The following PLCB1 variants were observed in gnomAD, a reference collection of about 807,000 sequenced individuals.
PLCB1 encodes phospholipase C beta 1, also known as 1-phosphatidylinositol 4,5-bisphosphate phosphodiesterase beta-1.
A neutral mutation model predicts 161.8 loss-of-function variants in PLCB1; 46 were observed. The ratio of observed to expected loss-of-function variants is 0.28; its 90% confidence interval spans 0.22 to 0.36. The LOEUF (loss-of-function observed/expected upper bound fraction) is 0.36, where lower values mean the gene tolerates loss of function less well. Ranked by LOEUF, PLCB1 falls within the 10% of genes least tolerant of loss-of-function variation. The pLI, the probability that PLCB1 is intolerant of heterozygous loss-of-function variation, is 1.00. For synonymous variants in PLCB1, 517 were observed against 503.7 expected (o/e 1.03, Z -0.35); for missense variants, 1,016 against 1,472.5 (o/e 0.69, Z 5.07).
chr20:8,618,711 T>A (rs914241715), intron 3 of PLCB1, among the ~76,000 whole-genome samples: 2 of 152,140 alleles, frequency 1.3e-5, no homozygotes, highest in African/African-American at 4.8e-5. Flanking sequence ...AGACATTTTC[T>A]TACTTTCACC....
intron 3 of PLCB1, among the ~76,000 whole-genome samples, chr20:8,531,070 G>A (rs1371512166): frequency 3.9e-5 from 6 of 151,988 alleles, no homozygotes; most frequent in African/African-American, 1.4e-4. Context: ...ACCCAAGGTA[G>A]AAAATTAAAC....
intron 2 of PLCB1, among the ~76,000 whole-genome samples, chr20:8,196,580 GTGATGGTCAAGTATTCTT>G (rs2052025949): frequency 6.6e-6 from 1 of 151,660 alleles, no homozygotes; most frequent in Non-Finnish European, 1.5e-5. Context: ...ATAGAGGCAG[GTGATGGTCAAGTATTCTT>G]TGATGGTCAA....
At chr20:8,252,227 A>G (rs1981181393) in intron 2 of PLCB1, among the ~76,000 whole-genome samples, 1 of 151,946 alleles carries the variant, frequency 6.6e-6, no homozygotes. Flanking sequence ...CTTGACTCCC[A>G]AGGGGCATTG....
At chr20:8,421,724 T>C (rs111997245) in intron 3 of PLCB1, among the ~76,000 whole-genome samples, 22 of 152,300 alleles carry the variant, frequency 1.4e-4, no homozygotes, top group African/African-American at 4.3e-4. Flanking sequence ...CCTGAATTTG[T>C]CTTTAGTAAC....
intron 4 of PLCB1, among the ~76,000 whole-genome samples, chr20:8,638,694 G>A (rs988202726): frequency 2.6e-5 from 4 of 152,002 alleles, no homozygotes; most frequent in South Asian, 2.1e-4. Context: ...CTGTTTCATC[G>A]ATAAATAATA....
intron 3 of PLCB1, among the ~76,000 whole-genome samples, chr20:8,395,069 T>C (rs976813287): frequency 6.6e-6 from 1 of 152,138 alleles, no homozygotes; most frequent in African/African-American, 2.4e-5. Context: ...ATTAGTCATT[T>C]TGTATCTGTG....
At chr20:8,326,087 T>A (rs1335220605) in intron 2 of PLCB1, among the ~76,000 whole-genome samples, 1 of 152,206 alleles carries the variant, frequency 6.6e-6, no homozygotes, top group Non-Finnish European at 1.5e-5. Context: ...CGAGGTTGTT[T>A]AAGTAAATAT....
chr20:8,269,549 C>T (rs922691252), intron 2 of PLCB1, among the ~76,000 whole-genome samples: 3 of 152,128 alleles, frequency 2.0e-5, no homozygotes, highest in African/African-American at 7.2e-5. Context: ...CCCGATGCAA[C>T]TACCTAATGC....
At chr20:8,588,744 A>G (rs1055431002) in intron 3 of PLCB1, among the ~76,000 whole-genome samples, 20 of 152,220 alleles carry the variant, frequency 1.3e-4, no homozygotes, top group Non-Finnish European at 2.9e-4. Context: ...AAACTGAAAG[A>G]AAATACAATT....
At chr20:8,475,032 CAG>C (rs1491256703) in intron 3 of PLCB1, among the ~76,000 whole-genome samples, 3 of 146,670 alleles carry the variant, frequency 2.0e-5, no homozygotes, top group Non-Finnish European at 4.5e-5. Flanking sequence ...CACACACACA[CAG>C]ACACACACAC....
chr20:8,289,157 A>C (rs1475828416), intron 2 of PLCB1, among the ~76,000 whole-genome samples: 1 of 152,176 alleles, frequency 6.6e-6, no homozygotes, highest in Non-Finnish European at 1.5e-5. Flanking sequence ...CTTCACTCCT[A>C]ACAAGTGTCG....
chr20:8,790,195 A>G lies in PLCB1; in HGVS notation c.3357A>G (p.Lys1119=), dbSNP rs774489883. Reference sequence around the variant, plus strand: ...TATAGCTAGAAGAAGCGCAAAGTAAACGGCAAGAAAAACTCGTAGAGAAAC... The same window carrying G: ...TATAGCTAGAAGAAGCGCAAAGTAAGCGGCAAGAAAAACTCGTAGAGAAAC... ...YIKRLEEAQS[K]RQEKLVEKHK... The change falls in exon 31 of 32, where the codon AAA becomes AAG. Residue 1119 remains lysine, a synonymous_variant. Coordinates refer to ENST00000338037, the MANE Select transcript of PLCB1 (RefSeq NM_015192.4). 1 of 1,611,360 alleles carries G rather than the reference A, an allele frequency of 6.2e-7. No homozygotes were observed. Among genetic ancestry groups the G allele is most frequent in the Non-Finnish European group, 8.5e-7 (1 of 1,178,186 alleles).
intron 31 of PLCB1, among the ~76,000 whole-genome samples, chr20:8,798,519 TA>T (rs1386443504): frequency 6.6e-6 from 1 of 152,106 alleles, no homozygotes; most frequent in Non-Finnish European, 1.5e-5. Flanking sequence ...GCTTGGTGAC[TA>T]GAGTAACCAG....
chr20:8,345,562 G>A (rs117640278), intron 2 of PLCB1, among the ~76,000 whole-genome samples: 2 of 152,296 alleles, frequency 1.3e-5, no homozygotes, highest in East Asian at 3.9e-4. Context: ...AGTCACAGGT[G>A]CTGCCCTGGG....
chr20:8,144,602 A>G (rs1426587624), intron 1 of PLCB1, among the ~76,000 whole-genome samples: 1 of 152,176 alleles, frequency 6.6e-6, no homozygotes, highest in African/African-American at 2.4e-5. Context: ...AATGATCTTA[A>G]TTCCTCACCT....
intron 2 of PLCB1, among the ~76,000 whole-genome samples, chr20:8,227,980 G>T (rs1298175697): frequency 6.6e-6 from 1 of 152,006 alleles, no homozygotes; most frequent in African/African-American, 2.4e-5. Context: ...TAAATAAGTT[G>T]GTTCTATCCC....
chr20:8,284,909 T>G (rs913838593), intron 2 of PLCB1, among the ~76,000 whole-genome samples: 4 of 152,154 alleles, frequency 2.6e-5, no homozygotes, highest in African/African-American at 9.7e-5. Flanking sequence ...TTGTGCCTCT[T>G]CATTCTGGGA....
chr20:8,142,940 A>C (rs1364986976), intron 1 of PLCB1, among the ~76,000 whole-genome samples: 2 of 152,052 alleles, frequency 1.3e-5, no homozygotes, highest in Non-Finnish European at 2.9e-5. Flanking sequence ...CCCCTGAGAA[A>C]TACCTCACCT....
chr20:8,628,521 C>T, intron 4 of PLCB1, 90 bp downstream of exon 4: 1 of 1,320,528 alleles, frequency 7.6e-7, no homozygotes, highest in East Asian at 2.3e-5. Flanking sequence ...GAATTTTTGT[C>T]ATATTTAGCA....
Sources: allele counts gnomAD v4.1 joint callset (sites outside exome capture counted in the v4.1 genomes callset), GRCh38; gene constraint gnomAD v4.1.1; transcripts MANE v1.5; gene names NCBI Gene and HGNC (gene_info 2026-07-23, HGNC 2026-07-21).